PRLR: variants seen among roughly 807,000 people sequenced by gnomAD.
The protein encoded by PRLR is hPRL receptor.
In PRLR, 13 loss-of-function variants were observed where a neutral mutation model predicts 40.2. That is an observed-to-expected ratio of 0.32 (90% CI 0.21 to 0.51). The LOEUF (loss-of-function observed/expected upper bound fraction) is 0.51, where lower values mean the gene tolerates loss of function less well. Ranked by LOEUF, PRLR falls within the 20% of genes least tolerant of loss-of-function variation. PRLR has a pLI of 0.97. For synonymous variants in PRLR, 269 were observed against 278.7 expected, an observed-to-expected ratio of 0.97 and a Z score of 0.35; for missense variants, 656 against 747.3, an observed-to-expected ratio of 0.88 and a Z score of 1.42.
chr5:35,084,559 A>G lies in PRLR; in HGVS notation c.284T>C (p.Met95Thr), dbSNP rs767856158. The change falls in exon 5 of 10, where the codon ATG becomes ACG. Residue 95 changes from methionine (M) to threonine (T), a missense_variant. Met to Thr is a moderately conservative substitution (Grantham distance 81). Around this residue, in one of 3 missense-constraint regions of PRLR, gnomAD observed 180 missense variants for 236.8 expected, o/e 0.76. Transcript: ENST00000618457. Reference sequence around the variant, plus strand: ...GACCATCATGATGTATGTCCTCCACATGGAGGTGTACTGCTTGCCAAAGTG... The same window carrying G: ...GACCATCATGATGTATGTCCTCCACGTGGAGGTGTACTGCTTGCCAAAGTG... ...SCHFGKQYTSMWRTYIMMVNA... is the reference protein window; with the variant it reads ...SCHFGKQYTSTWRTYIMMVNA... 3 of 1,607,552 alleles carry G rather than the reference A, an allele frequency of 1.9e-6. No individual in the cohort carries two copies. The highest frequency in any genetic ancestry group is 1.3e-5 in the African/African-American group (1 of 74,608).
chr5:35,186,398 TTCA>T (rs1019901411), intron 1 of PRLR, among the ~76,000 whole-genome samples: 1 of 152,230 alleles, frequency 6.6e-6, no homozygotes, highest in African/African-American at 2.4e-5. Flanking sequence ...CTGACTGATG[TTCA>T]TCAAGACTTA....
chr5:35,103,300 G>T (rs1428734848), intron 2 of PRLR, among the ~76,000 whole-genome samples: 3 of 152,088 alleles, frequency 2.0e-5, no homozygotes, highest in Non-Finnish European at 2.9e-5. Context: ...AATTATAAAA[G>T]GCTCTCTCTT....
At chr5:35,071,068 T>A (rs543156703) in intron 6 of PRLR, among the ~76,000 whole-genome samples, 2 of 152,290 alleles carry the variant, frequency 1.3e-5, no homozygotes, top group African/African-American at 4.8e-5. Context: ...GCATCACTTA[T>A]GGTGGGTCAA....
In PRLR at chr5:35,073,398, C is replaced by T. The variant is rs114422589; in HGVS notation, c.374-654G>A. On this transcript the variant is annotated intron_variant, in intron 5 of 9. Transcript: ENST00000618457. ...AGTCACTCATTCAACAAATGCTTAG[C>T]GAATTCCCATTAGCAAAATGACAGC... Among the ~76,000 whole-genome samples, 1,434 of 152,266 alleles carry T rather than the reference C, an allele frequency of 9.4e-3. 19 individuals carry two copies. The highest frequency in any genetic ancestry group is 0.032 in the African/African-American group (1,328 of 41,544).
At chr5:35,208,354 CA>C (rs1464373983) in intron 1 of PRLR, among the ~76,000 whole-genome samples, 3 of 152,204 alleles carry the variant, frequency 2.0e-5, no homozygotes, top group East Asian at 3.8e-4. Flanking sequence ...CCTTATCCCC[CA>C]GGTCCAGATC....
In PRLR at chr5:35,075,735, C is replaced by A. The variant is rs187002491; in HGVS notation, c.374-2991G>T. Reference sequence around the variant, plus strand: ...TTGAGATCTGAGAACGGACAGACTGCCTCCTCAAGTGGGTCCCTGACCCCC... The same window carrying A: ...TTGAGATCTGAGAACGGACAGACTGACTCCTCAAGTGGGTCCCTGACCCCC... On this transcript the variant is annotated intron_variant, in intron 5 of 9. Coordinates refer to ENST00000618457, the MANE Select transcript of PRLR (RefSeq NM_000949.7). Among the ~76,000 whole-genome samples, 4 of 152,328 alleles carry A rather than the reference C, an allele frequency of 2.6e-5. No individual in the cohort carries two copies. In the East Asian group the frequency reaches 7.7e-4, roughly 29 times the overall value.
chr5:35,206,667 T>C lies in PRLR; in HGVS notation c.-106+23601A>G, dbSNP rs1283962811. 2.6e-5 allele frequency among the ~76,000 whole-genome samples: 4 copies of C among 152,168 alleles called. No individual in the cohort carries two copies. The East Asian group carries it at 7.7e-4, about 29-fold the overall frequency. On this transcript the variant is annotated intron_variant, in intron 1 of 9. Transcript: ENST00000618457. Reference sequence around the variant, plus strand: ...CTTTGACTTTGCTAAGTATAAGATATGGATAGAAATGTCTTGGAAACTTTA... The same window carrying C: ...CTTTGACTTTGCTAAGTATAAGATACGGATAGAAATGTCTTGGAAACTTTA...
At chr5:35,126,958 G>A (rs913523804) in intron 1 of PRLR, among the ~76,000 whole-genome samples, 1 of 152,166 alleles carries the variant, frequency 6.6e-6, no homozygotes. Flanking sequence ...TGCCAGGATC[G>A]TAGAGCCTTC....
chr5:35,072,836 A>G, intron 5 of PRLR, 92 bp from the exon 6 acceptor site: 2 of 1,433,042 alleles, frequency 1.4e-6, no homozygotes, highest in African/African-American at 1.4e-5. Context: ...TTTTCTGTTT[A>G]TCATCTCACT....
intron 1 of PRLR, among the ~76,000 whole-genome samples, chr5:35,217,271 C>T (rs1430228085): frequency 6.6e-6 from 1 of 152,138 alleles, no homozygotes; most frequent in African/African-American, 2.4e-5. Context: ...GAAGACTGAA[C>T]CCATGCAGGC....
At chr5:35,102,112 G>A (rs1771921494) in intron 2 of PRLR, among the ~76,000 whole-genome samples, 1 of 152,070 alleles carries the variant, frequency 6.6e-6, no homozygotes, top group Non-Finnish European at 1.5e-5. Context: ...ACAGACGTGA[G>A]CCACCACGCC....
intron 9 of PRLR, among the ~76,000 whole-genome samples, chr5:35,067,042 C>T (rs1446758963): frequency 3.9e-5 from 6 of 152,098 alleles, no homozygotes; most frequent in Non-Finnish European, 8.8e-5. Context: ...GGATTACAGG[C>T]GTGAGCCACC....
intron 1 of PRLR, among the ~76,000 whole-genome samples, chr5:35,184,466 G>A (rs554473652): frequency 6.6e-6 from 1 of 152,286 alleles, no homozygotes; most frequent in South Asian, 2.1e-4. Flanking sequence ...GCAGTGAGCC[G>A]AGATTGAGCC....
rs73767523 is a variant in PRLR, at chr5:35,128,439, C to A, written c.-105-10317G>T. On this transcript the variant is annotated intron_variant, in intron 1 of 9. Coordinates refer to ENST00000618457, the MANE Select transcript of PRLR (RefSeq NM_000949.7). Reference sequence around the variant, plus strand: ...GTTACTTATAATACTGAATACAATGCGAATACTATGTAAATAGCAAGTGAA... The same window carrying A: ...GTTACTTATAATACTGAATACAATGAGAATACTATGTAAATAGCAAGTGAA... Among the ~76,000 whole-genome samples, 179 of 151,392 alleles carry A rather than the reference C, an allele frequency of 1.2e-3. 1 individual carries two copies. The highest frequency in any genetic ancestry group is 6.2e-3 in the Admixed American group (95 of 15,232).
intron 5 of PRLR, among the ~76,000 whole-genome samples, chr5:35,083,519 C>CTT (rs1469153683): frequency 4.8e-5 from 7 of 144,754 alleles, no homozygotes; most frequent in African/African-American, 1.9e-4. Context: ...TCTTTCTTTT[C>CTT]TTTTCTTTTT....
intron 1 of PRLR, among the ~76,000 whole-genome samples, chr5:35,175,355 T>G (rs1775117548): frequency 6.6e-6 from 1 of 152,214 alleles, no homozygotes. Flanking sequence ...CCTCCTTGTC[T>G]TCCACCACGA....
At chr5:35,096,376 T>A (rs1771533948) in intron 2 of PRLR, among the ~76,000 whole-genome samples, 1 of 152,142 alleles carries the variant, frequency 6.6e-6, no homozygotes, top group African/African-American at 2.4e-5. Context: ...GAATAGGAAT[T>A]GGATGAGTTT....
intron 2 of PRLR, among the ~76,000 whole-genome samples, chr5:35,111,275 T>C (rs113280839): frequency 0.031 from 4,759 of 152,262 alleles, 253 homozygotes; most frequent in African/African-American, 0.11. Flanking sequence ...AATACAATTT[T>C]AGTTTTCAAA....
intron 1 of PRLR, among the ~76,000 whole-genome samples, chr5:35,209,064 A>T (rs995194488): frequency 6.6e-6 from 1 of 152,154 alleles, no homozygotes; most frequent in East Asian, 1.9e-4. Context: ...AAGTAGAAAG[A>T]ATTTGAAAAA....
Sources: gnomAD v4.1 joint callset for allele counts (sites outside exome capture counted in the v4.1 genomes callset) on GRCh38, gnomAD v4.1.1 for gene constraint, gnomAD v4.1.1 regional missense constraint, MANE v1.5 for transcripts, NCBI Gene and HGNC (gene_info 2026-07-23, HGNC 2026-07-21) for gene names.